Variants in PRPF8 observed in about 807,000 individuals in gnomAD.
PRPF8 encodes the protein pre-mRNA-processing-splicing factor 8.
Under a neutral mutation model 285.9 loss-of-function variants are expected in PRPF8, and 64 were observed. The ratio of observed to expected loss-of-function variants is 0.22; its 90% CI spans 0.18 to 0.28. The LOEUF is 0.28. Among genes scored for constraint, PRPF8 ranks in the 10% least tolerant of loss-of-function variants. PRPF8 has a pLI of 1.00. For missense variants in PRPF8, 1,426 were observed against 3,026.7 expected, an observed-to-expected ratio of 0.47 and a Z score of 12.41; for synonymous variants, 1,325 against 1,118.2, an observed-to-expected ratio of 1.18 and a Z score of -3.69.
chr17:1,673,618 T>C lies in PRPF8; in HGVS notation c.3447-51A>G. The C allele has an allele frequency of 6.2e-7, 1 of 1,612,352 alleles. No homozygotes were observed. The highest frequency in any genetic ancestry group is 2.2e-5 in the East Asian group (1 of 44,870). Reference sequence around the variant, plus strand: ...AGCAGTTTCTTGGAAGGAACTTCCCTTCAAAGGCCAACTGATGACATCCTG... The same window carrying C: ...AGCAGTTTCTTGGAAGGAACTTCCCCTCAAAGGCCAACTGATGACATCCTG... On this transcript the variant is annotated intron_variant, in intron 22 of 42. Coordinates refer to ENST00000304992, the MANE Select transcript of PRPF8 (RefSeq NM_006445.4). This position sits in a 1 kb window ranked among gnomAD's most constrained non-coding sequence, Gnocchi z 5.5.
chr17:1,671,737 G>T (rs1912330917), intron 24 of PRPF8, among the ~76,000 whole-genome samples: 1 of 151,288 alleles, frequency 6.6e-6, no homozygotes, highest in Non-Finnish European at 1.5e-5. Flanking sequence ...TGTAGTCCCA[G>T]CTACTCAGGA....
Position 1,680,849 on chromosome 17 carries a change from G to C in PRPF8, c.993-18C>G, listed in dbSNP as rs745885471. On this transcript the variant is annotated intron_variant, in intron 7 of 42. Coordinates refer to ENST00000304992, the MANE Select transcript of PRPF8 (RefSeq NM_006445.4). ...TATGGTACCTAAAATGAAAGGAAGA[G>C]TCAGCCAAAGTTTTCCCGCCCTGGC... The C allele has an allele frequency of 1.2e-5, 19 of 1,613,854 alleles. No individual in the cohort carries two copies. In the Middle Eastern group the frequency reaches 6.6e-4, roughly 56 times the overall value.
intron 2 of PRPF8, 58 bp downstream of exon 2, chr17:1,684,414 C>A: frequency 6.4e-7 from 1 of 1,569,488 alleles, no homozygotes; most frequent in Non-Finnish European, 8.8e-7. Flanking sequence ...CACCCGCCTG[C>A]GCGCGCGCAC....
At position 1,681,852 on chromosome 17, in the gene PRPF8, G is replaced by T. The variant is rs199971966; in HGVS notation, c.621C>A (p.Phe207Leu). The T allele has an allele frequency of 1.9e-6, 3 of 1,613,910 alleles. No individual in the cohort carries two copies. Among genetic ancestry groups the T allele is most frequent in the Non-Finnish European group, 2.5e-6 (3 of 1,180,004 alleles). ...PEEDAPVLDW[F>L]YDHQPLRDSR... ...TGTCCCTCAACGGCTGGTGGTCATA[G>T]AACCAGTCCAACACAGGGGCGTCCT... The change falls in exon 5 of 43, where the codon TTC becomes TTA. Residue 207 changes from phenylalanine (F) to leucine (L), a missense_variant. Phe to Leu is a conservative substitution (Grantham distance 22). Coordinates refer to ENST00000304992, the MANE Select transcript of PRPF8 (RefSeq NM_006445.4).
In PRPF8 at chr17:1,676,409, C is replaced by T. The variant is rs371398836; in HGVS notation, c.2389-39G>A. 25 of 1,614,010 alleles carry T rather than the reference C, an allele frequency of 1.5e-5. No homozygotes were observed. Among genetic ancestry groups the T allele is most frequent in the East Asian group, 2.2e-5 (1 of 44,866 alleles). On this transcript the variant is annotated intron_variant, in intron 16 of 42. Coordinates refer to ENST00000304992, the MANE Select transcript of PRPF8 (RefSeq NM_006445.4). The surrounding 1 kb of genome is among the most constrained non-coding windows in gnomAD (Gnocchi z 6.3). Reference sequence around the variant, plus strand: ...ATGAAATTAGCCTCCCGCTACAGCCCGATCCTGCCAGAACAAGGTTCAGTC... The same window carrying T: ...ATGAAATTAGCCTCCCGCTACAGCCTGATCCTGCCAGAACAAGGTTCAGTC...
At chr17:1,672,415 G>A (rs898010474) in intron 24 of PRPF8, among the ~76,000 whole-genome samples, 3 of 152,136 alleles carry the variant, frequency 2.0e-5, no homozygotes, top group African/African-American at 7.2e-5. Context: ...AAGTAGCTGC[G>A]ATTACAGGCG....
rs775166089 is a variant in PRPF8 at position 1,675,308 on chromosome 17, C to T, written c.2904G>A (p.Thr968=). ...GINNLQDVWE[T]SEGECNVMLE... is the part of the protein sequence containing the mutation. ...GCATGACATTGCACTCGCCTTCACTCGTCTCCCACACGTCCTGCAGGTTAT... is the reference window on the plus strand; with the variant it reads ...GCATGACATTGCACTCGCCTTCACTTGTCTCCCACACGTCCTGCAGGTTAT... Residue 968 remains threonine (T), a synonymous_variant, in exon 20 of 43, where the codon ACG becomes ACA. Transcript: ENST00000304992. The surrounding 1 kb of genome is among the most constrained non-coding windows in gnomAD (Gnocchi z 6.0). 5.6e-6 allele frequency: 9 copies of T among 1,614,084 alleles called. No individual in the cohort carries two copies. Among genetic ancestry groups the T allele is most frequent in the African/African-American group, 4.0e-5 (3 of 74,940 alleles).
Position 1,678,780 on chromosome 17 carries a change from G to T in PRPF8, c.1701C>A (p.Gly567=), listed in dbSNP as rs761235923. The change falls in exon 12 of 43, where the codon GGC becomes GGA. Residue 567 remains glycine (G), a synonymous_variant. Transcript: ENST00000304992. The part of the protein sequence containing the change: ...VVDSHVQYRL[G]NVDAFQLADG... Reference sequence around the variant, plus strand: ...ACCTTACCTGGAAGGCATCCACATTGCCCAGCCGATACTGCACGTGACTAT... The same window carrying T: ...ACCTTACCTGGAAGGCATCCACATTTCCCAGCCGATACTGCACGTGACTAT... 6.2e-7 allele frequency: 1 copy of T among 1,611,950 alleles called. No homozygotes were observed. Among genetic ancestry groups the T allele is most frequent in the South Asian group, 1.1e-5 (1 of 91,054 alleles).
chr17:1,680,995 C>G lies in PRPF8; in HGVS notation c.926G>C (p.Arg309Pro), dbSNP rs775023296. Residue 309 changes from arginine to proline, a missense_variant, in exon 7 of 43, where the codon CGC (arginine) becomes CCC (proline). Physicochemically the swap from Arg to Pro is moderately radical, Grantham distance 103. Transcript: ENST00000304992. Reference sequence around the variant, plus strand: ...AGGAAAAGCAATCTTGTACTCAGTGCGGATAGGCTGCCGGATGATAATCTT... The same window carrying G: ...AGGAAAAGCAATCTTGTACTCAGTGGGGATAGGCTGCCGGATGATAATCTT... ...INKIIIRQPI[R>P]TEYKIAFPYL... is the part of the protein sequence containing the mutation. The G allele has an allele frequency of 6.2e-7, 1 of 1,612,820 alleles. No individual in the cohort carries two copies. The highest frequency in any genetic ancestry group is 1.1e-5 in the South Asian group (1 of 91,018).
Position 1,680,628 on chromosome 17 carries a change from A to G in PRPF8, c.1098+98T>C. ...TCAAGGGGAACACTTAGCAAGACGGAAAACACATCTCCCTCCACCTGAGCG... is the reference window on the plus strand; with the variant it reads ...TCAAGGGGAACACTTAGCAAGACGGGAAACACATCTCCCTCCACCTGAGCG... On this transcript the variant is annotated intron_variant, in intron 8 of 42. Transcript: ENST00000304992. 2 of 1,144,420 alleles carry G rather than the reference A, an allele frequency of 1.7e-6. 1 individual carries two copies. The highest frequency in any genetic ancestry group is 5.1e-4 in the Middle Eastern group (2 of 3,946). The allele number at this position is 1,144,420 out of a possible 1,614,324, so 70.9% of individuals were successfully genotyped here.
rs1911093195 is a variant in PRPF8 at position 1,651,878 on chromosome 17, G to A, written c.6370-90C>T. The A allele has an allele frequency of 3.3e-6, 5 of 1,495,032 alleles. No individual in the cohort carries two copies. The highest frequency in any genetic ancestry group is 2.3e-5 in the East Asian group (1 of 44,320). 92.6% of individuals were successfully genotyped at this position (1,495,032 alleles called of 1,614,324 possible). On this transcript the variant is annotated intron_variant, in intron 39 of 42. Coordinates refer to ENST00000304992, the MANE Select transcript of PRPF8 (RefSeq NM_006445.4). The surrounding 1 kb of genome is among the most constrained non-coding windows in gnomAD (Gnocchi z 5.1). ...CCCTCTGTTTCCTTCCTTCCCCCAAGAACGAGGACAGAGTTTCTTAAAACG... is the reference window on the plus strand; with the variant it reads ...CCCTCTGTTTCCTTCCTTCCCCCAAAAACGAGGACAGAGTTTCTTAAAACG...
chr17:1,662,185 G>C (rs1464673617), intron 24 of PRPF8, 32 bp from the exon 25 acceptor site: 2 of 1,613,456 alleles, frequency 1.2e-6, no homozygotes, highest in African/African-American at 2.7e-5. Context: ...GTAAATTACA[G>C]ATGAGCCAGG....
At position 1,673,655 on chromosome 17, in the gene PRPF8, C is replaced by T; in HGVS notation, c.3447-88G>A. 6.2e-7 allele frequency: 1 copy of T among 1,611,548 alleles called. No homozygotes were observed. Among genetic ancestry groups the T allele is most frequent in the Non-Finnish European group, 8.5e-7 (1 of 1,178,924 alleles). ...CTGATGACATCCTGACACAGCCACGCCTCTCCCACCCAGGACGCAGCCTCA... is the reference window on the plus strand; with the variant it reads ...CTGATGACATCCTGACACAGCCACGTCTCTCCCACCCAGGACGCAGCCTCA... On this transcript the variant is annotated intron_variant, in intron 22 of 42. Transcript: ENST00000304992. The surrounding 1 kb of genome is among the most constrained non-coding windows in gnomAD (Gnocchi z 5.5).
chr17:1,664,176 G>A (rs532723875), intron 24 of PRPF8, among the ~76,000 whole-genome samples: 7 of 152,194 alleles, frequency 4.6e-5, no homozygotes, highest in Admixed American at 2.0e-4. Flanking sequence ...GACTACAGGC[G>A]TGTACCACCA....
At position 1,653,728 on chromosome 17, in the gene PRPF8, T is replaced by C. The variant is rs374058600; in HGVS notation, c.6228-45A>G. ...GTCAGCATCGCTCAGCCCAGCACCTTAGGTAGTGCAGCCGGCCTTTCCATC... is the reference window on the plus strand; with the variant it reads ...GTCAGCATCGCTCAGCCCAGCACCTCAGGTAGTGCAGCCGGCCTTTCCATC... On this transcript the variant is annotated intron_variant, in intron 38 of 42. Transcript: ENST00000304992. This position sits in a 1 kb window ranked among gnomAD's most constrained non-coding sequence, Gnocchi z 4.9. 5.0e-6 allele frequency: 8 copies of C among 1,613,916 alleles called. No homozygotes were observed. Among genetic ancestry groups the C allele is most frequent in the African/African-American group, 4.0e-5 (3 of 74,878 alleles).
At chr17:1,668,853 C>T (rs1327016215) in intron 24 of PRPF8, among the ~76,000 whole-genome samples, 1 of 152,138 alleles carries the variant, frequency 6.6e-6, no homozygotes, top group Non-Finnish European at 1.5e-5. Flanking sequence ...GCTCCCAACA[C>T]ACCTTCCAAT....
Position 1,659,020 on chromosome 17 carries a change from T to A in PRPF8, c.5139-257A>T, listed in dbSNP as rs1597230744. The A allele has an allele frequency of 6.1e-6, 3 of 489,924 alleles. No individual in the cohort carries two copies. In the East Asian group the frequency reaches 1.1e-4, roughly 18 times the overall value. 30.3% of individuals were successfully genotyped at this position (489,924 alleles called of 1,614,324 possible). ...GAAAATACACGGATTATTTATTTAT[T>A]TATTATTATTATTATTTTTCTTTGA... is the stretch of plus-strand genomic sequence containing the variant. On this transcript the variant is annotated intron_variant, in intron 32 of 42. Transcript: ENST00000304992. This position sits in a 1 kb window ranked among gnomAD's most constrained non-coding sequence, Gnocchi z 5.1.
At position 1,673,992 on chromosome 17, in the gene PRPF8, C is replaced by A. The variant is rs1425125600; in HGVS notation, c.3300-100G>T. Reference sequence around the variant, plus strand: ...TAGACGGAGACCCCACCCCATCCTACCCCCACCCTCCCCGGGCTTCATTCC... The same window carrying A: ...TAGACGGAGACCCCACCCCATCCTAACCCCACCCTCCCCGGGCTTCATTCC... On this transcript the variant is annotated intron_variant, in intron 21 of 42. Coordinates refer to ENST00000304992, the MANE Select transcript of PRPF8 (RefSeq NM_006445.4). This position sits in a 1 kb window ranked among gnomAD's most constrained non-coding sequence, Gnocchi z 5.5. 6 of 1,265,436 alleles carry A rather than the reference C, an allele frequency of 4.7e-6. No homozygotes were observed. The highest frequency in any genetic ancestry group is 1.8e-5 in the Admixed American group (1 of 55,604). The allele number at this position is 1,265,436 out of a possible 1,614,324, so 78.4% of individuals were successfully genotyped here.
chr17:1,670,907 C>T (rs1265630971), intron 24 of PRPF8, among the ~76,000 whole-genome samples: 3 of 150,786 alleles, frequency 2.0e-5, no homozygotes, highest in Non-Finnish European at 4.4e-5. Flanking sequence ...AGAAATTTGA[C>T]AAAGTCTGCA....
Sources: allele counts gnomAD v4.1 joint callset (sites outside exome capture counted in the v4.1 genomes callset), GRCh38; gene constraint gnomAD v4.1.1; non-coding constraint Gnocchi (gnomAD v3.1); transcripts MANE v1.5; gene names NCBI Gene and HGNC (gene_info 2026-07-23, HGNC 2026-07-21).